The following TRAPPC9 variants were observed in gnomAD, a reference collection of about 807,000 sequenced individuals.
TRAPPC9 encodes the protein IKK2 binding protein.
TRAPPC9 carries 83 observed loss-of-function variants against 124.0 expected under a neutral mutation model. The ratio of observed to expected loss-of-function variants is 0.67; its 90% CI spans 0.56 to 0.80. The LOEUF is 0.80. Among genes scored for constraint, TRAPPC9 ranks in the 30% least tolerant of loss-of-function variants. TRAPPC9 has a pLI of 0.00. For synonymous variants in TRAPPC9, 638 were observed against 617.5 expected (o/e 1.03, Z -0.49); for missense variants, 1,302 against 1,508.3 (o/e 0.86, Z 2.27).
At chr8:140,019,058 T>C (rs1291464509) in intron 18 of TRAPPC9, among the ~76,000 whole-genome samples, 2 of 152,230 alleles carry the variant, frequency 1.3e-5, no homozygotes, top group African/African-American at 2.4e-5. Context: ...TATCAACTGA[T>C]ATAATCATAT....
chr8:140,289,994 CA>C (rs1286483465), intron 12 of TRAPPC9, among the ~76,000 whole-genome samples: 1 of 152,198 alleles, frequency 6.6e-6, no homozygotes, highest in African/African-American at 2.4e-5. Flanking sequence ...TGGCAAACTG[CA>C]ACTCAGCCTG....
chr8:139,951,972 G>T (rs940602904), intron 19 of TRAPPC9, among the ~76,000 whole-genome samples: 1 of 152,124 alleles, frequency 6.6e-6, no homozygotes, highest in Non-Finnish European at 1.5e-5. Flanking sequence ...TGCGCATCAG[G>T]ATCACACAAA....
At chr8:139,799,691 A>C (rs1823339584) in intron 21 of TRAPPC9, among the ~76,000 whole-genome samples, 1 of 152,200 alleles carries the variant, frequency 6.6e-6, no homozygotes, top group Admixed American at 6.5e-5. Flanking sequence ...AGGAGCACGG[A>C]AGAGCTCCCA....
chr8:140,450,457 G>A (rs561401098), intron 2 of TRAPPC9, among the ~76,000 whole-genome samples: 6 of 152,200 alleles, frequency 3.9e-5, no homozygotes, highest in Admixed American at 6.5e-5. Context: ...AACTAGCCTC[G>A]TGTCTAGTGC....
At chr8:139,762,498 T>C (rs1482788906) in intron 21 of TRAPPC9, among the ~76,000 whole-genome samples, 1 of 152,168 alleles carries the variant, frequency 6.6e-6, no homozygotes. Context: ...TTCTAGGCTA[T>C]AAACCTGTAC....
At chr8:139,838,949 C>A (rs1826547063) in intron 21 of TRAPPC9, among the ~76,000 whole-genome samples, 1 of 152,176 alleles carries the variant, frequency 6.6e-6, no homozygotes, top group South Asian at 2.1e-4. Flanking sequence ...GCAAGAGGGA[C>A]ACACCAGGGG....
intron 17 of TRAPPC9, among the ~76,000 whole-genome samples, chr8:140,217,518 C>T (rs541475424): frequency 2.0e-5 from 3 of 152,242 alleles, no homozygotes; most frequent in South Asian, 4.1e-4. Context: ...TCCTTTCCCA[C>T]GAAAGATTCT....
At chr8:140,420,394 G>C (rs2070158556) in intron 5 of TRAPPC9, among the ~76,000 whole-genome samples, 2 of 152,032 alleles carry the variant, frequency 1.3e-5, no homozygotes, top group South Asian at 4.1e-4. Flanking sequence ...GAAATTCAAA[G>C]GATCCAGAAT....
chr8:140,114,332 G>GGA (rs2060838019), intron 17 of TRAPPC9, among the ~76,000 whole-genome samples: 2 of 117,052 alleles, frequency 1.7e-5, no homozygotes, highest in African/African-American at 6.3e-5. Context: ...AAGGACTGAA[G>GGA]AAAAAAAAAA....
intron 6 of TRAPPC9, among the ~76,000 whole-genome samples, chr8:140,398,775 T>C (rs2069166373): frequency 6.6e-6 from 1 of 152,206 alleles, no homozygotes; most frequent in Admixed American, 6.5e-5. Context: ...CAGATTTTCT[T>C]AGGAGAAATT....
chr8:140,381,389 C>T (rs1359073134), intron 7 of TRAPPC9, among the ~76,000 whole-genome samples: 1 of 152,004 alleles, frequency 6.6e-6, no homozygotes, highest in East Asian at 1.9e-4. Flanking sequence ...CAAAGAGGAC[C>T]AGGCGCAGTG....
At chr8:139,925,839 ACACACACG>A (rs1832787413) in intron 19 of TRAPPC9, among the ~76,000 whole-genome samples, 4 of 143,048 alleles carry the variant, frequency 2.8e-5, no homozygotes, top group East Asian at 2.1e-4. Context: ...ACACACACAC[ACACACACG>A]TTTCAGATTT....
rs144701475 is a variant in TRAPPC9 at position 140,195,307 on chromosome 8, G to A, written c.2556+26152C>T. ...CCTGTGACACCAAAACACACTCAAC[G>A]ATCCATCGTACAGATCACACCTGTA... On this transcript the variant is annotated intron_variant, in intron 17 of 22. Coordinates refer to ENST00000438773, the MANE Select transcript of TRAPPC9 (RefSeq NM_001160372.4). 5.5e-3 allele frequency among the ~76,000 whole-genome samples: 831 copies of A among 150,242 alleles called. 5 individuals carry two copies. The highest frequency in any genetic ancestry group is 0.018 in the African/African-American group (745 of 40,726).
Position 140,353,645 on chromosome 8 carries a change from C to T in TRAPPC9, c.1495+6405G>A, listed in dbSNP as rs866806715. On this transcript the variant is annotated intron_variant, in intron 9 of 22. Transcript: ENST00000438773. The surrounding 1 kb of genome is among the most constrained non-coding windows in gnomAD (Gnocchi z 4.2). ...CAGCGCAAGGATGACCATCAGGCCG[C>T]GGGCCAGACCTGGTCCATAGGCCAC... 2.6e-4 allele frequency among the ~76,000 whole-genome samples: 40 copies of T among 152,316 alleles called. No individual in the cohort carries two copies. The highest frequency in any genetic ancestry group is 7.5e-4 in the African/African-American group (31 of 41,566).
intron 3 of TRAPPC9, among the ~76,000 whole-genome samples, chr8:140,437,030 C>T (rs1017415875): frequency 2.0e-5 from 3 of 152,110 alleles, no homozygotes; most frequent in Non-Finnish European, 2.9e-5. Context: ...GTGGTGCGAT[C>T]GTGGCTCACT....
At chr8:139,939,208 T>C (rs1029076527) in intron 19 of TRAPPC9, among the ~76,000 whole-genome samples, 3 of 152,340 alleles carry the variant, frequency 2.0e-5, no homozygotes, top group East Asian at 3.9e-4. Flanking sequence ...AGCCAGAGAA[T>C]GGGTGAAAGC....
intron 5 of TRAPPC9, among the ~76,000 whole-genome samples, chr8:140,423,657 CACACATATATACACATAT>C (rs2070313079): frequency 2.8e-5 from 2 of 71,170 alleles, no homozygotes; most frequent in Admixed American, 1.4e-4. Flanking sequence ...CATATACATA[CACACATATATACACATAT>C]ACACATATAT....
chr8:139,784,143 AAT>A (rs1446530094), intron 21 of TRAPPC9, among the ~76,000 whole-genome samples: 12 of 152,238 alleles, frequency 7.9e-5, no homozygotes, highest in Non-Finnish European at 8.8e-5. Context: ...GCAAAGAAAA[AAT>A]AAAATGCATT....
In TRAPPC9 at chr8:140,015,648, T is replaced by TAA. The variant is rs35908289; in HGVS notation, c.2699+8287_2699+8288dup. Among the ~76,000 whole-genome samples the TAA allele has an allele frequency of 1.5e-4, 23 of 148,966 alleles. No homozygotes were observed. The East Asian group carries it at 1.6e-3, about 10-fold the overall frequency. ...TACTAAAAATGAAAAACAATAAAAA[T>TAA]AAAAAAAAAATAAGCCAGGCACGGT... On this transcript the variant is annotated intron_variant, in intron 18 of 22. Transcript: ENST00000438773.
Sources: gnomAD v4.1 joint callset for allele counts (sites outside exome capture counted in the v4.1 genomes callset) on GRCh38, gnomAD v4.1.1 for gene constraint, Gnocchi (gnomAD v3.1) non-coding constraint, MANE v1.5 for transcripts, NCBI Gene and HGNC (gene_info 2026-07-23, HGNC 2026-07-21) for gene names.